The following APBB2 variants were observed in gnomAD, a reference collection of about 807,000 sequenced individuals.
APBB2 encodes amyloid beta precursor protein binding family B member 2, also known as Fe65-like 1.
APBB2 carries 38 observed loss-of-function variants against 82.5 expected under a neutral mutation model. The observed-to-expected ratio is 0.46, with a 90% CI of 0.36 to 0.60. The LOEUF is 0.60. Ranked by LOEUF, APBB2 falls within the 20% of genes least tolerant of loss-of-function variation. APBB2 has a pLI of 0.00. For missense variants in APBB2, 772 were observed against 972.3 expected (o/e 0.79, Z 2.74); for synonymous variants, 341 against 368.2 (o/e 0.93, Z 0.85).
At chr4:41,196,030 G>GA in intron 1 of APBB2, among the ~76,000 whole-genome samples, 1 of 151,668 alleles carries the variant, frequency 6.6e-6, no homozygotes, top group Non-Finnish European at 1.5e-5. Context: ...TGTGGTGGCG[G>GA]CGCCTGTAGT....
chr4:40,819,319 G>T (rs1283610178), intron 17 of APBB2, among the ~76,000 whole-genome samples: 1 of 151,740 alleles, frequency 6.6e-6, no homozygotes, highest in Middle Eastern at 3.2e-3. Flanking sequence ...CTGAGTAGCT[G>T]GGACTACAGG....
At chr4:40,964,628 G>A (rs1362991922) in intron 6 of APBB2, among the ~76,000 whole-genome samples, 1 of 152,020 alleles carries the variant, frequency 6.6e-6, no homozygotes, top group Non-Finnish European at 1.5e-5. Context: ...CAGGGGAAAG[G>A]TAAAATGTGT....
At chr4:41,114,094 A>C (rs1750144178) in intron 2 of APBB2, 2 of 152,504 alleles carry the variant, frequency 1.3e-5, no homozygotes, top group South Asian at 4.1e-4. Flanking sequence ...GGCAAACCCA[A>C]TCTGGCAGCA....
chr4:41,151,111 T>G (rs1005913718), intron 1 of APBB2, among the ~76,000 whole-genome samples: 2 of 152,152 alleles, frequency 1.3e-5, no homozygotes, highest in Non-Finnish European at 2.9e-5. Flanking sequence ...TTTCTTTACA[T>G]TTTCATACAG....
intron 1 of APBB2, among the ~76,000 whole-genome samples, chr4:41,204,500 T>G (rs534273209): frequency 6.6e-6 from 1 of 152,162 alleles, no homozygotes; most frequent in Non-Finnish European, 1.5e-5. Context: ...CACTGTGGAA[T>G]AGACTTAGCA....
At chr4:41,097,595 T>G (rs1743952398) in intron 3 of APBB2, among the ~76,000 whole-genome samples, 1 of 152,238 alleles carries the variant, frequency 6.6e-6, no homozygotes, top group Non-Finnish European at 1.5e-5. Flanking sequence ...CATACTCATT[T>G]AGGGTTGACA....
chr4:41,145,104 A>C (rs1246110465), intron 1 of APBB2, among the ~76,000 whole-genome samples: 1 of 152,248 alleles, frequency 6.6e-6, no homozygotes, highest in Admixed American at 6.5e-5. Context: ...TGGGAGACAG[A>C]GTGAGACCTT....
At position 41,014,009 on chromosome 4, in the gene APBB2, C is replaced by A; in HGVS notation, c.409G>T (p.Gly137Cys). ...GAATCCTGTGGGTGGGGCTCTTTACCCTCTAACTTCTCAGAAGTTATGTTG... is the reference window on the plus strand; with the variant it reads ...GAATCCTGTGGGTGGGGCTCTTTACACTCTAACTTCTCAGAAGTTATGTTG... ...VINITSEKLEGKEPHPQDSSS... is the reference protein window; with the variant it reads ...VINITSEKLECKEPHPQDSSS... Residue 137 changes from glycine (G) to cysteine (C), a missense_variant, in exon 6 of 18, where the codon GGT (glycine) becomes TGT (cysteine). Physicochemically the swap from Gly to Cys is radical, Grantham distance 159. Transcript: ENST00000508593. The A allele has an allele frequency of 6.2e-7, 1 of 1,614,100 alleles. No homozygotes were observed. Among genetic ancestry groups the A allele is most frequent in the Non-Finnish European group, 8.5e-7 (1 of 1,179,990 alleles).
chr4:40,905,746 T>C (rs1278708691), intron 10 of APBB2, among the ~76,000 whole-genome samples: 1 of 152,202 alleles, frequency 6.6e-6, no homozygotes, highest in African/African-American at 2.4e-5. Context: ...GCATCTACTT[T>C]ATTGCTGGGG....
chr4:40,907,415 T>G (rs1468728466), intron 10 of APBB2, among the ~76,000 whole-genome samples: 1 of 139,750 alleles, frequency 7.2e-6, no homozygotes, highest in African/African-American at 2.7e-5. Context: ...AGAGTCTCAC[T>G]CTGTCACCCA....
At chr4:40,913,144 C>A (rs1437700088) in intron 10 of APBB2, among the ~76,000 whole-genome samples, 1 of 152,118 alleles carries the variant, frequency 6.6e-6, no homozygotes. Context: ...CTAGGGGAAA[C>A]GCTGATCCTA....
At chr4:41,180,927 C>T (rs972153680) in intron 1 of APBB2, among the ~76,000 whole-genome samples, 4 of 131,242 alleles carry the variant, frequency 3.0e-5, no homozygotes, top group Non-Finnish European at 6.4e-5. Context: ...AAGAATGAAC[C>T]CCTGAAAGAA....
chr4:41,181,025 G>C (rs190694675), intron 1 of APBB2, among the ~76,000 whole-genome samples: 1 of 152,110 alleles, frequency 6.6e-6, no homozygotes, highest in African/African-American at 2.4e-5. Flanking sequence ...GAGCAGGAAC[G>C]TCAGTGATCA....
chr4:41,069,082 C>G (rs148420464), intron 3 of APBB2, among the ~76,000 whole-genome samples: 1,916 of 152,252 alleles, frequency 0.013, 36 homozygotes, highest in African/African-American at 0.044. Context: ...GCGTGAGCCA[C>G]CATGCCTGGC....
intron 12 of APBB2, among the ~76,000 whole-genome samples, chr4:40,871,423 G>A (rs1765493867): frequency 6.6e-6 from 1 of 152,192 alleles, no homozygotes; most frequent in South Asian, 2.1e-4. Context: ...GGGATTACAG[G>A]CATGAGCCAC....
intron 1 of APBB2, among the ~76,000 whole-genome samples, chr4:41,208,234 C>A (rs767235762): frequency 6.6e-6 from 1 of 152,136 alleles, no homozygotes; most frequent in Non-Finnish European, 1.5e-5. Context: ...CTTAAACACA[C>A]GTTTTTCCTT....
intron 3 of APBB2, among the ~76,000 whole-genome samples, chr4:41,077,752 T>TCAAAACCAAAAGAGATGGC (rs1471441514): frequency 1.6e-4 from 24 of 152,154 alleles, no homozygotes; most frequent in Admixed American, 1.5e-3. Context: ...CAAAAGAGGG[T>TCAAAACCAAAAGAGATGGC]CAAAACCAAA....
intron 6 of APBB2, among the ~76,000 whole-genome samples, chr4:40,952,802 G>GT (rs1232272576): frequency 1.1e-4 from 17 of 152,178 alleles, no homozygotes; most frequent in Admixed American, 1.1e-3. Context: ...ATAAAAGCTA[G>GT]TAACAGTAAC....
chr4:40,825,759 A>G, intron 15 of APBB2, 128 bp downstream of exon 15: 1 of 717,388 alleles, frequency 1.4e-6, no homozygotes, highest in South Asian at 1.6e-5. Context: ...GGCAGGTGAC[A>G]GTGTGACAGT....
Sources: gnomAD v4.1 joint callset for allele counts (sites outside exome capture counted in the v4.1 genomes callset) on GRCh38, gnomAD v4.1.1 for gene constraint, MANE v1.5 for transcripts, NCBI Gene and HGNC (gene_info 2026-07-23, HGNC 2026-07-21) for gene names.